Variants in CHL1 observed in about 807,000 individuals in gnomAD.
The protein encoded by CHL1 is cell adhesion molecule L1 like.
Under a neutral mutation model 141.9 loss-of-function variants are expected in CHL1, and 96 were observed. The observed-to-expected ratio is 0.68, with a 90% CI of 0.57 to 0.80. The LOEUF (loss-of-function observed/expected upper bound fraction) is 0.80. CHL1 is among the 30% of genes least tolerant of loss of function. The pLI is 0.00. For missense variants in CHL1, 1,820 were observed against 1,457.2 expected (o/e 1.25, Z -4.05); for synonymous variants, 613 against 502.2 (o/e 1.22, Z -2.95).
intron 16 of CHL1, among the ~76,000 whole-genome samples, chr3:379,569 C>T (rs113712067): frequency 6.6e-6 from 1 of 152,156 alleles, no homozygotes; most frequent in African/African-American, 2.4e-5. Context: ...TGAGCAGTCT[C>T]AGCCACCAAA....
chr3:346,404 G>A (rs1181100639), intron 9 of CHL1, among the ~76,000 whole-genome samples: 2 of 152,186 alleles, frequency 1.3e-5, no homozygotes, highest in Admixed American at 1.3e-4. Flanking sequence ...TGTTTACAGT[G>A]GTAGAAATTA....
chr3:334,205 T>C (rs527907296), intron 5 of CHL1, among the ~76,000 whole-genome samples: 332 of 152,262 alleles, frequency 2.2e-3, no homozygotes, highest in Non-Finnish European at 3.4e-3. Context: ...TATACATTAT[T>C]TATTTATTTA....
chr3:378,809 T>C (rs1008259947), intron 16 of CHL1, among the ~76,000 whole-genome samples: 5 of 152,168 alleles, frequency 3.3e-5, no homozygotes, highest in African/African-American at 7.2e-5. Context: ...AGCAGCTGCA[T>C]CCCACCACCA....
chr3:216,384 A>C (rs1196532775), intron 1 of CHL1, among the ~76,000 whole-genome samples: 5 of 152,120 alleles, frequency 3.3e-5, no homozygotes, highest in African/African-American at 4.8e-5. Flanking sequence ...AAGTCTCTTC[A>C]CTTTTGTGTA....
intron 2 of CHL1, among the ~76,000 whole-genome samples, chr3:276,981 A>G (rs1696192834): frequency 6.6e-6 from 1 of 151,378 alleles, no homozygotes; most frequent in South Asian, 2.1e-4. Context: ...TTAGCTGGTG[A>G]CTTTTCAAAT....
At chr3:394,906 C>G (rs534336365) in intron 24 of CHL1, 34 bp downstream of exon 24, 1 of 1,509,012 alleles carries the variant, frequency 6.6e-7, no homozygotes, top group East Asian at 2.3e-5. Flanking sequence ...TTAATAGAGG[C>G]TTTAAAAAGA....
At position 401,789 on chromosome 3, in the gene CHL1, G is replaced by A. The variant is rs146649015; in HGVS notation, c.3458+91G>A. ...AAAGGTGTTTATTCTTAATAAAAAG[G>A]TTACATAACTACAATGTAATGACCC... On this transcript the variant is annotated intron_variant, in intron 27 of 27. Coordinates refer to ENST00000256509, the MANE Select transcript of CHL1 (RefSeq NM_006614.4). 162 of 731,522 alleles carry A rather than the reference G, an allele frequency of 2.2e-4. 1 individual carries two copies. In the African/African-American group the frequency reaches 2.5e-3, roughly 11 times the overall value. The allele number at this position is 731,522 out of a possible 1,614,324, so 45.3% of individuals were successfully genotyped here.
At chr3:208,370 C>T (rs1384890993) in intron 1 of CHL1, among the ~76,000 whole-genome samples, 5 of 147,950 alleles carry the variant, frequency 3.4e-5, no homozygotes. Flanking sequence ...ATGCATTCCA[C>T]TTCCTTTGCC....
chr3:392,921 T>C (rs1332252498), intron 23 of CHL1, among the ~76,000 whole-genome samples: 2 of 151,534 alleles, frequency 1.3e-5, no homozygotes, highest in African/African-American at 4.8e-5. Flanking sequence ...CTATTAGAAA[T>C]GTACTATCAC....
At chr3:214,729 A>C (rs1257206060) in intron 1 of CHL1, among the ~76,000 whole-genome samples, 1 of 152,206 alleles carries the variant, frequency 6.6e-6, no homozygotes, top group African/African-American at 2.4e-5. Context: ...TTTTTCACTT[A>C]TATCTACAAA....
At chr3:319,626 G>A in intron 2 of CHL1, 57 bp from the exon 3 acceptor site, 1 of 401,746 alleles carries the variant, frequency 2.5e-6, no homozygotes, top group Non-Finnish European at 4.5e-6. Context: ...TATTTAATTT[G>A]TTCTGTTGAA....
At chr3:305,063 A>G (rs985758856) in intron 2 of CHL1, among the ~76,000 whole-genome samples, 1 of 152,146 alleles carries the variant, frequency 6.6e-6, no homozygotes, top group African/African-American at 2.4e-5. Context: ...TGCATGCCAA[A>G]CCATAACATT....
chr3:251,594 C>A (rs1016616627), intron 2 of CHL1, among the ~76,000 whole-genome samples: 1 of 152,054 alleles, frequency 6.6e-6, no homozygotes, highest in South Asian at 2.1e-4. Flanking sequence ...TAAATGGTTT[C>A]AAGATTTCTT....
intron 1 of CHL1, chr3:213,284 A>G (rs1700044808): frequency 2.6e-5 from 4 of 152,236 alleles, no homozygotes; most frequent in Non-Finnish European, 4.4e-5. Flanking sequence ...CACATCTAGG[A>G]TCATTTCAGC....
intron 15 of CHL1, among the ~76,000 whole-genome samples, chr3:370,128 G>A (rs1000162526): frequency 2.2e-4 from 34 of 152,130 alleles, no homozygotes; most frequent in African/African-American, 7.0e-4. Flanking sequence ...ATTTAGGGAC[G>A]AGTCCCTTCT....
At chr3:230,387 A>G (rs1200246922) in intron 1 of CHL1, among the ~76,000 whole-genome samples, 1 of 152,188 alleles carries the variant, frequency 6.6e-6, no homozygotes, top group African/African-American at 2.4e-5. Flanking sequence ...TCACACATTC[A>G]TAACAAACCA....
Position 405,478 on chromosome 3 carries a change from G to C in CHL1, c.3459-17G>C. The C allele has an allele frequency of 6.5e-7, 1 of 1,536,656 alleles. No individual in the cohort carries two copies. The highest frequency in any genetic ancestry group is 9.0e-7 in the Non-Finnish European group (1 of 1,112,182). On this transcript the variant is annotated splice_polypyrimidine_tract_variant and intron_variant, in intron 27 of 27. Coordinates refer to ENST00000256509, the MANE Select transcript of CHL1 (RefSeq NM_006614.4). ...TATTAGATTTTGTTGAGCTATTTTT[G>C]TTTGTTTGTTTTCTAGTGACAGTGA...
chr3:284,346 G>GCATATGAGGTTTA (rs1696936025), intron 2 of CHL1, among the ~76,000 whole-genome samples: 1 of 152,142 alleles, frequency 6.6e-6, no homozygotes, highest in Non-Finnish European at 1.5e-5. Context: ...ATTTCTTATA[G>GCATATGAGGTTTA]CATATGAGGT....
intron 15 of CHL1, among the ~76,000 whole-genome samples, chr3:368,157 C>G (rs539825439): frequency 1.1e-4 from 16 of 152,246 alleles, no homozygotes; most frequent in South Asian, 4.2e-4. Context: ...GTTCTAGATC[C>G]TTGAGGAATC....
Sources: allele counts gnomAD v4.1 joint callset (sites outside exome capture counted in the v4.1 genomes callset), GRCh38; gene constraint gnomAD v4.1.1; transcripts MANE v1.5; gene names NCBI Gene and HGNC (gene_info 2026-07-23, HGNC 2026-07-21).